Variants in AGBL4 observed in about 807,000 individuals in gnomAD.
AGBL4 encodes cytosolic carboxypeptidase 6.
In AGBL4, 58 loss-of-function variants were observed where a neutral mutation model predicts 66.4. The observed-to-expected ratio is 0.87, with a 90% confidence interval of 0.71 to 1.09. The LOEUF is 1.09. Ranked by LOEUF, AGBL4 falls within the 50% of genes least tolerant of loss-of-function variation. The pLI is 0.00. For synonymous variants in AGBL4, 234 were observed against 222.9 expected, an observed-to-expected ratio of 1.05 and a Z score of -0.44; for missense variants, 579 against 631.0, an observed-to-expected ratio of 0.92 and a Z score of 0.88.
chr1:49,139,052 C>T (rs930058329), intron 4 of AGBL4, among the ~76,000 whole-genome samples: 9 of 152,004 alleles, frequency 5.9e-5, no homozygotes, highest in African/African-American at 2.2e-4. Flanking sequence ...GTGCTGCACA[C>T]TTTTAAACAA....
At chr1:48,889,669 A>G (rs922398624) in intron 5 of AGBL4, among the ~76,000 whole-genome samples, 16 of 152,216 alleles carry the variant, frequency 1.1e-4, no homozygotes, top group Non-Finnish European at 1.9e-4. Flanking sequence ...TATTTCATAA[A>G]TCTATACAGG....
At chr1:49,557,721 TGTAA>T (rs892221519) in intron 3 of AGBL4, among the ~76,000 whole-genome samples, 11 of 151,870 alleles carry the variant, frequency 7.2e-5, no homozygotes, top group African/African-American at 2.7e-4. Flanking sequence ...GCCTTCAACT[TGTAA>T]GTGAGTCCTA....
At chr1:49,324,953 A>T (rs1645199921) in intron 3 of AGBL4, among the ~76,000 whole-genome samples, 1 of 152,258 alleles carries the variant, frequency 6.6e-6, no homozygotes. Context: ...GAATATTGTC[A>T]TGTTGACTTA....
At chr1:48,646,937 C>T (rs1378664679) in intron 8 of AGBL4, among the ~76,000 whole-genome samples, 1 of 152,182 alleles carries the variant, frequency 6.6e-6, no homozygotes, top group African/African-American at 2.4e-5. Context: ...TATCTCTCAG[C>T]CTCTACTGCA....
At chr1:48,874,132 G>GCCAT (rs796276684) in intron 5 of AGBL4, among the ~76,000 whole-genome samples, 37 of 152,306 alleles carry the variant, frequency 2.4e-4, no homozygotes, top group African/African-American at 8.9e-4. Context: ...CCAGAAGCCA[G>GCCAT]CCATCGGGGG....
intron 3 of AGBL4, among the ~76,000 whole-genome samples, chr1:49,692,428 C>T (rs1646906296): frequency 6.6e-6 from 1 of 152,064 alleles, no homozygotes; most frequent in South Asian, 2.1e-4. Flanking sequence ...ACTAAAGAAG[C>T]AGCAAACTGG....
At chr1:49,836,373 T>C (rs956894142) in intron 2 of AGBL4, among the ~76,000 whole-genome samples, 9 of 152,352 alleles carry the variant, frequency 5.9e-5, no homozygotes, top group Middle Eastern at 3.4e-3. Context: ...ATTCATCTAT[T>C]GATACTTGTG....
intron 8 of AGBL4, among the ~76,000 whole-genome samples, chr1:48,641,127 A>G (rs1015239150): frequency 6.6e-6 from 1 of 152,182 alleles, no homozygotes; most frequent in Non-Finnish European, 1.5e-5. Context: ...AATGAGCTGG[A>G]TTGGATTAAG....
intron 1 of AGBL4, among the ~76,000 whole-genome samples, chr1:49,888,442 CAT>C (rs1648291067): frequency 1.3e-5 from 2 of 152,174 alleles, no homozygotes; most frequent in South Asian, 4.1e-4. Flanking sequence ...CCTATTGAGT[CAT>C]ATGAGATTCA....
At chr1:49,669,461 C>A (rs1439394146) in intron 3 of AGBL4, among the ~76,000 whole-genome samples, 1 of 152,092 alleles carries the variant, frequency 6.6e-6, no homozygotes, top group African/African-American at 2.4e-5. Context: ...GTGGGCTAAC[C>A]CACATGACCA....
chr1:49,995,845 C>A (rs923775394), intron 1 of AGBL4: 9 of 152,838 alleles, frequency 5.9e-5, no homozygotes, highest in African/African-American at 2.2e-4. Flanking sequence ...GCTGAGAGTC[C>A]TGAAAATGGA....
intron 5 of AGBL4, among the ~76,000 whole-genome samples, chr1:48,944,989 C>T (rs1291427812): frequency 1.3e-5 from 2 of 152,130 alleles, no homozygotes; most frequent in African/African-American, 4.8e-5. Flanking sequence ...GGTTGGTGAC[C>T]TCAGATGGTG....
At chr1:49,216,387 G>C (rs189388272) in intron 4 of AGBL4, among the ~76,000 whole-genome samples, 4 of 151,958 alleles carry the variant, frequency 2.6e-5, no homozygotes, top group Admixed American at 2.0e-4. Flanking sequence ...CCAAAAGTTA[G>C]TTTTCAACCC....
intron 1 of AGBL4, among the ~76,000 whole-genome samples, chr1:49,953,811 G>C (rs1341488798): frequency 6.6e-6 from 1 of 151,760 alleles, no homozygotes; most frequent in Non-Finnish European, 1.5e-5. Context: ...TGCTAAAATT[G>C]CTAAATCACC....
chr1:48,678,022 C>G (rs781244176), intron 6 of AGBL4, among the ~76,000 whole-genome samples: 4 of 152,200 alleles, frequency 2.6e-5, no homozygotes, highest in African/African-American at 4.8e-5. Flanking sequence ...ACTACGAACA[C>G]GTCATCGAAA....
At chr1:48,584,911 T>C (rs1315464951) in intron 11 of AGBL4, 6 of 152,194 alleles carry the variant, frequency 3.9e-5, no homozygotes, top group African/African-American at 1.4e-4. Flanking sequence ...ACTTGTCAAA[T>C]GAAAATGTCC....
chr1:49,923,292 C>T (rs915874171), intron 1 of AGBL4, among the ~76,000 whole-genome samples: 6 of 152,092 alleles, frequency 3.9e-5, no homozygotes, highest in African/African-American at 1.2e-4. Flanking sequence ...GGATCCCTTC[C>T]TTTTACCAAA....
At chr1:49,244,754 G>A (rs1354523938) in intron 4 of AGBL4, among the ~76,000 whole-genome samples, 1 of 151,772 alleles carries the variant, frequency 6.6e-6, no homozygotes, top group Admixed American at 6.6e-5. Flanking sequence ...CACTTAGTAA[G>A]TGCCAGGCAA....
intron 5 of AGBL4, among the ~76,000 whole-genome samples, chr1:49,002,404 A>T (rs1661461374): frequency 2.0e-5 from 3 of 152,198 alleles, no homozygotes; most frequent in Non-Finnish European, 4.4e-5. Flanking sequence ...GTGATGATGC[A>T]CTTATTCTAT....
Sources: allele counts gnomAD v4.1 joint callset (sites outside exome capture counted in the v4.1 genomes callset), GRCh38; gene constraint gnomAD v4.1.1; transcripts MANE v1.5; gene names NCBI Gene and HGNC (gene_info 2026-07-23, HGNC 2026-07-21).